The following PWWP3A variants were observed in gnomAD, a reference collection of about 807,000 sequenced individuals.
The protein encoded by PWWP3A is PWWP domain-containing DNA repair factor 3A.
In PWWP3A, 53 loss-of-function variants were observed where a neutral mutation model predicts 79.0. The ratio of observed to expected loss-of-function variants is 0.67; its 90% CI spans 0.54 to 0.84. PWWP3A has a LOEUF of 0.84. PWWP3A is among the 40% of genes least tolerant of loss of function. PWWP3A has a pLI of 0.00. For synonymous variants in PWWP3A, 443 were observed against 394.4 expected, an observed-to-expected ratio of 1.12 and a Z score of -1.46; for missense variants, 973 against 948.0, an observed-to-expected ratio of 1.03 and a Z score of -0.35.
intron 3 of PWWP3A, 159 bp from the exon 4 acceptor site, chr19:1,358,235 C>T: frequency 6.5e-6 from 4 of 617,756 alleles, no homozygotes; most frequent in Middle Eastern, 5.4e-4. Flanking sequence ...TGCCTGTAAC[C>T]TCAGGCAGAT....
At chr19:1,371,868 C>T (rs989731001) in intron 12 of PWWP3A, among the ~76,000 whole-genome samples, 2 of 139,434 alleles carry the variant, frequency 1.4e-5, no homozygotes, top group Non-Finnish European at 3.0e-5. Context: ...AGTGCAGTGG[C>T]GCAATCTCGG....
intron 8 of PWWP3A, 120 bp downstream of exon 8, chr19:1,366,501 C>G: frequency 1.1e-6 from 1 of 881,842 alleles, no homozygotes; most frequent in Non-Finnish European, 1.9e-6. Flanking sequence ...AGTCCAGGCC[C>G]GGGCAGGGCT....
rs540824569 is a variant in PWWP3A, at chr19:1,364,379, G to A, written c.1214-130G>A. ...TTCAGATTCTCCTGATCTTTTAAGC[G>A]AATGACACAAAGTCAGGTTTTAACA... On this transcript the variant is annotated intron_variant, in intron 6 of 13. Transcript: ENST00000591337. The A allele has an allele frequency of 7.1e-4, 500 of 703,968 alleles. 2 individuals are homozygous for A. The highest frequency in any genetic ancestry group is 1.3e-3 in the Admixed American group (49 of 38,228). 43.6% of individuals were successfully genotyped at this position (703,968 alleles called of 1,614,324 possible).
Position 1,371,013 on chromosome 19 carries a change from G to C in PWWP3A, c.1921G>C (p.Ala641Pro). Reference protein sequence around the residue: ...YLQGVYQEVGAKVLQRTNGDR... With the variant: ...YLQGVYQEVGPKVLQRTNGDR... The stretch of plus-strand genomic sequence containing the variant: ...GCAGGGCGTCTACCAGGAGGTGGGG[G>C]CCAAGGTGCTCCAGCGCACCAACGG... The change falls in exon 12 of 14, where the codon GCC becomes CCC. Residue 641 changes from alanine (A) to proline (P), a missense_variant. Physicochemically the swap from Ala to Pro is conservative, Grantham distance 27 (BLOSUM62 -1). Transcript: ENST00000591337. 6.4e-7 allele frequency: 1 copy of C among 1,573,654 alleles called. No homozygotes were observed. The highest frequency in any genetic ancestry group is 8.6e-7 in the Non-Finnish European group (1 of 1,159,360).
intron 6 of PWWP3A, 182 bp from the exon 7 acceptor site, chr19:1,364,327 A>G: frequency 1.4e-6 from 1 of 692,086 alleles, no homozygotes; most frequent in Non-Finnish European, 2.6e-6. Context: ...GTTAGACTCA[A>G]GTAGTGTGGG....
Position 1,368,396 on chromosome 19 carries a change from G to A in PWWP3A, c.1423-869G>A, listed in dbSNP as rs375638399. Among the ~76,000 whole-genome samples, 85 of 152,276 alleles carry A rather than the reference G, an allele frequency of 5.6e-4. No individual in the cohort carries two copies. The highest frequency in any genetic ancestry group is 1.7e-3 in the African/African-American group (72 of 41,562). On this transcript the variant is annotated intron_variant, in intron 9 of 13. Coordinates refer to ENST00000591337, the MANE Select transcript of PWWP3A (RefSeq NM_001369789.1). This position sits in a 1 kb window ranked among gnomAD's most constrained non-coding sequence, Gnocchi z 4.7. ...TGCGCTCACATCTGCTTGTGAGTCA[G>A]GTATGTGGTGGTCCCGAAGCCCACT...
intron 13 of PWWP3A, among the ~76,000 whole-genome samples, chr19:1,375,880 A>C (rs111367366): frequency 1.4e-5 from 2 of 141,610 alleles, no homozygotes; most frequent in Non-Finnish European, 3.0e-5. Context: ...GTCTCGGCCC[A>C]CTGCAACCCC....
Position 1,370,995 on chromosome 19 carries a change from G to C in PWWP3A, c.1903G>C (p.Val635Leu). Residue 635 changes from valine (V) to leucine (L), a missense_variant, in exon 12 of 14, where the codon GTC (valine) becomes CTC (leucine). By Grantham distance (32) the Val-to-Leu change is conservative. Transcript: ENST00000591337. Reference sequence around the variant, plus strand: ...CCTGGTGGTGAAGTACCTGCAGGGCGTCTACCAGGAGGTGGGGGCCAAGGT... The same window carrying C: ...CCTGGTGGTGAAGTACCTGCAGGGCCTCTACCAGGAGGTGGGGGCCAAGGT... Reference protein sequence around the residue: ...LDLVVKYLQGVYQEVGAKVLQ... With the variant: ...LDLVVKYLQGLYQEVGAKVLQ... The C allele has an allele frequency of 6.4e-7, 1 of 1,568,802 alleles. No homozygotes were observed.
chr19:1,369,469 G>T lies in PWWP3A; in HGVS notation c.1499-127G>T, dbSNP rs1337303171. On this transcript the variant is annotated intron_variant, in intron 10 of 13. Coordinates refer to ENST00000591337, the MANE Select transcript of PWWP3A (RefSeq NM_001369789.1). This position sits in a 1 kb window ranked among gnomAD's most constrained non-coding sequence, Gnocchi z 4.0. ...TCCGTGGGCCTGGGGCATTCCCTGTGGGTGGGCTGGGGTTCTGGCCTGGCC... is the reference window on the plus strand; with the variant it reads ...TCCGTGGGCCTGGGGCATTCCCTGTTGGTGGGCTGGGGTTCTGGCCTGGCC... 24 of 1,473,184 alleles carry T rather than the reference G, an allele frequency of 1.6e-5. No homozygotes were observed. The South Asian group carries it at 2.4e-4, about 15-fold the overall frequency. 91.3% of individuals were successfully genotyped at this position (1,473,184 alleles called of 1,614,324 possible).
intron 1 of PWWP3A, among the ~76,000 whole-genome samples, chr19:1,355,483 C>G (rs1460436874): frequency 5.6e-5 from 3 of 53,510 alleles, no homozygotes; most frequent in Admixed American, 1.5e-4. Flanking sequence ...CCTGGATTCC[C>G]CACCCCCAAC....
intron 8 of PWWP3A, among the ~76,000 whole-genome samples, chr19:1,366,857 G>A (rs756306201): frequency 5.3e-5 from 8 of 152,248 alleles, no homozygotes; most frequent in East Asian, 1.9e-4. Context: ...AGTCGAACGC[G>A]CAGAACCGGT....
chr19:1,359,961 G>T (rs1207334520), intron 4 of PWWP3A, 175 bp from the exon 5 acceptor site: 1 of 621,534 alleles, frequency 1.6e-6, no homozygotes, highest in Non-Finnish European at 2.5e-6. Context: ...CTGTCGTTCT[G>T]TAGCCTCGTC....
In PWWP3A at chr19:1,360,304, C is replaced by T. The variant is rs145550096; in HGVS notation, c.383C>T (p.Ser128Phe). ...SLRGKPMEHV[S>F]SPCDSNSSSL... Reference sequence around the variant, plus strand: ...CGAGGGAAGCCCATGGAGCATGTCTCCTCGCCCTGTGATTCGAACTCCTCA... The same window carrying T: ...CGAGGGAAGCCCATGGAGCATGTCTTCTCGCCCTGTGATTCGAACTCCTCA... Residue 128 changes from serine (S) to phenylalanine (F), a missense_variant, in exon 5 of 14, where the codon TCC becomes TTC. Ser to Phe is a radical substitution (Grantham distance 155). Transcript: ENST00000591337. This position sits in a 1 kb window ranked among gnomAD's most constrained non-coding sequence, Gnocchi z 4.4. The T allele has an allele frequency of 1.2e-4, 188 of 1,613,770 alleles. 1 individual carries two copies. Among genetic ancestry groups the T allele is most frequent in the Non-Finnish European group, 1.5e-4 (175 of 1,179,826 alleles).
Position 1,358,416 on chromosome 19 carries a change from G to A in PWWP3A, c.166G>A (p.Val56Ile). The A allele has an allele frequency of 1.2e-6, 2 of 1,614,076 alleles. No individual in the cohort carries two copies. Among genetic ancestry groups the A allele is most frequent in the African/African-American group, 1.3e-5 (1 of 75,044 alleles). ...EEKIKVKSTE[V>I]EILEKSQIEA... ...CAGAATTAAGGTGAAAAGCACTGAA[G>A]TTGAGATCCTAGAGAAGTCTCAAAT... Residue 56 changes from valine (V) to isoleucine (I), a missense_variant, in exon 4 of 14, where the codon GTT (valine) becomes ATT (isoleucine). Physicochemically the swap from Val to Ile is conservative, Grantham distance 29. Transcript: ENST00000591337.
rs2082297265 is a variant in PWWP3A at position 1,373,145 on chromosome 19, C to T, written c.2060C>T (p.Pro687Leu). The T allele has an allele frequency of 6.2e-7, 1 of 1,614,058 alleles. No homozygotes were observed. The highest frequency in any genetic ancestry group is 8.5e-7 in the Non-Finnish European group (1 of 1,180,016). ...KTAEEKYIKGPSLSYREKEIF... is the reference protein window; with the variant it reads ...KTAEEKYIKGLSLSYREKEIF... ...GCTGAGGAGAAGTACATCAAGGGGC[C>T]TTCGCTGAGCTACCGGTAGGCCGCT... The change falls in exon 13 of 14, where the codon CCT becomes CTT. Residue 687 changes from proline (P) to leucine (L), a missense_variant. Coordinates refer to ENST00000591337, the MANE Select transcript of PWWP3A (RefSeq NM_001369789.1).
chr19:1,374,393 C>G (rs890978894), intron 13 of PWWP3A: 1 of 152,228 alleles, frequency 6.6e-6, no homozygotes, highest in Non-Finnish European at 1.5e-5. Context: ...CGCACTTGAT[C>G]TTTGGCCTCA....
Position 1,360,071 on chromosome 19 carries a change from G to A in PWWP3A, c.215-65G>A, listed in dbSNP as rs765514161. On this transcript the variant is annotated intron_variant, in intron 4 of 13. Coordinates refer to ENST00000591337, the MANE Select transcript of PWWP3A (RefSeq NM_001369789.1). This position sits in a 1 kb window ranked among gnomAD's most constrained non-coding sequence, Gnocchi z 4.4. ...AATGAGACAAGCGAGCTTCTAAAGC[G>A]ATGCCGTGACCGCAGTGCCTGTGCA... 37 of 1,463,866 alleles carry A rather than the reference G, an allele frequency of 2.5e-5. No homozygotes were observed. The highest frequency in any genetic ancestry group is 3.3e-5 in the Non-Finnish European group (37 of 1,105,348). 90.7% of individuals were successfully genotyped at this position (1,463,866 alleles called of 1,614,324 possible). A position where few individuals can be genotyped will look rare whatever the true frequency, so the allele number is the denominator to read the frequency against.
In PWWP3A at chr19:1,376,938, G is replaced by C; in HGVS notation, c.*362G>C. ...GTATGTGTGGCATCTGATATTAAAC[G>C]GGAGGTTTTAAGAAGCGTCTGCCGT... is the stretch of plus-strand genomic sequence containing the variant. On this transcript the variant is annotated 3_prime_UTR_variant, in exon 14 of 14. Transcript: ENST00000591337. The C allele has an allele frequency of 5.6e-6, 1 of 179,100 alleles. No homozygotes were observed. Among genetic ancestry groups the C allele is most frequent in the Non-Finnish European group, 1.2e-5 (1 of 86,520 alleles). The allele number at this position is 179,100 out of a possible 1,614,324, so 11.1% of individuals were successfully genotyped here.
Position 1,360,995 on chromosome 19 carries a change from A to T in PWWP3A, c.1074A>T (p.Arg358Ser). 1.4e-6 allele frequency: 2 copies of T among 1,441,040 alleles called. No homozygotes were observed. The highest frequency in any genetic ancestry group is 1.8e-6 in the Non-Finnish European group (2 of 1,095,496). 89.3% of individuals were successfully genotyped at this position (1,441,040 alleles called of 1,614,324 possible). A position where few individuals can be genotyped will look rare whatever the true frequency, so the allele number is the denominator to read the frequency against. The part of the protein sequence containing the change: ...PPSHASADAT[R>S]CLPCPDSQKL... ...CCCACGCCTCTGCGGATGCAACCAGATGTCTTCCTTGCCCGGATTCCCAGA... is the reference window on the plus strand; with the variant it reads ...CCCACGCCTCTGCGGATGCAACCAGTTGTCTTCCTTGCCCGGATTCCCAGA... Residue 358 changes from arginine to serine, a missense_variant, in exon 5 of 14, where the codon AGA becomes AGT. Physicochemically the swap from Arg to Ser is moderately radical, Grantham distance 110. Coordinates refer to ENST00000591337, the MANE Select transcript of PWWP3A (RefSeq NM_001369789.1). The surrounding 1 kb of genome is among the most constrained non-coding windows in gnomAD (Gnocchi z 4.4).
Sources: allele counts gnomAD v4.1 joint callset (sites outside exome capture counted in the v4.1 genomes callset), GRCh38; gene constraint gnomAD v4.1.1; non-coding constraint Gnocchi (gnomAD v3.1); transcripts MANE v1.5; gene names NCBI Gene and HGNC (gene_info 2026-07-23, HGNC 2026-07-21).